FRMPD4: variants seen among roughly 807,000 people sequenced by gnomAD.
FRMPD4 encodes the protein FERM and PDZ domain-containing protein 4.
In FRMPD4, 22 loss-of-function variants were observed where a neutral mutation model predicts 94.1. That is an observed-to-expected ratio of 0.23 (90% CI 0.17 to 0.33). The LOEUF is 0.33. FRMPD4 is among the 10% of genes least tolerant of loss of function. The pLI is 1.00. For synonymous variants in FRMPD4, 631 were observed against 548.6 expected (o/e 1.15, Z -2.10); for missense variants, 1,111 against 1,339.9 (o/e 0.83, Z 2.67).
chrX:12,346,908 T>C (rs1301606552), intron 1 of FRMPD4, among the ~76,000 whole-genome samples: 1 of 112,424 alleles, frequency 8.9e-6, no homozygotes, highest in African/African-American at 3.2e-5. Flanking sequence ...TGGAATCTAT[T>C]ATCCACTCTT....
At chrX:12,187,714 T>C (rs2056440233) in intron 1 of FRMPD4, among the ~76,000 whole-genome samples, 1 of 111,873 alleles carries the variant, frequency 8.9e-6, no homozygotes, top group Non-Finnish European at 1.9e-5. Context: ...TTCTCATTTC[T>C]ATTTATATAT....
intron 3 of FRMPD4, among the ~76,000 whole-genome samples, chrX:12,083,157 C>T (rs1220907241): frequency 8.9e-6 from 1 of 112,538 alleles, no homozygotes; most frequent in Non-Finnish European, 1.9e-5. Context: ...GGCCTGGAGG[C>T]CCAGGAGGAA....
At chrX:12,049,134 C>T (rs1257933114) in intron 3 of FRMPD4, among the ~76,000 whole-genome samples, 1 of 111,237 alleles carries the variant, frequency 9.0e-6, no homozygotes, top group Non-Finnish European at 1.9e-5. Flanking sequence ...AATGTTTTTC[C>T]ACTTGTTTGT....
At position 12,691,255 on chromosome X, in the gene FRMPD4, G is replaced by GT. The variant is rs987837683; in HGVS notation, c.813+937dup. On this transcript the variant is annotated intron_variant, in intron 8 of 16. Transcript: ENST00000675598. Reference sequence around the variant, plus strand: ...TATTATTTCCATCAAGTTTTTTGGGGTTTTTTTTGTTGTTGTTGTTTTGTT... The same window carrying GT: ...TATTATTTCCATCAAGTTTTTTGGGGTTTTTTTTTGTTGTTGTTGTTTTGTT... 6.7e-3 allele frequency among the ~76,000 whole-genome samples: 740 copies of GT among 110,086 alleles called. 6 individuals are homozygous for GT. Among genetic ancestry groups the GT allele is most frequent in the Non-Finnish European group, 5.9e-3 (311 of 52,627 alleles).
At chrX:12,499,543 C>G (rs915452226) in intron 2 of FRMPD4, among the ~76,000 whole-genome samples, 2 of 112,145 alleles carry the variant, frequency 1.8e-5, no homozygotes, top group African/African-American at 6.5e-5. Flanking sequence ...CCCCTTACCC[C>G]CTGGTGACAT....
intron 2 of FRMPD4, among the ~76,000 whole-genome samples, chrX:12,536,148 G>A (rs776829164): frequency 1.7e-4 from 18 of 108,276 alleles, no homozygotes; most frequent in African/African-American, 6.0e-4. Context: ...TGAGCCAGTA[G>A]TATATTTAAA....
At chrX:12,396,363 A>T (rs1176243459) in intron 1 of FRMPD4, among the ~76,000 whole-genome samples, 1 of 112,229 alleles carries the variant, frequency 8.9e-6, no homozygotes, top group Non-Finnish European at 1.9e-5. Context: ...TCAAACCATA[A>T]ATACAATTTT....
At chrX:12,382,503 T>TAG (rs199593248) in intron 1 of FRMPD4, among the ~76,000 whole-genome samples, 15 of 70,930 alleles carry the variant, frequency 2.1e-4, no homozygotes, top group African/African-American at 4.5e-4. Context: ...TAGCATAGCA[T>TAG]AGCATAGCAT....
At chrX:12,287,767 C>G in intron 1 of FRMPD4, among the ~76,000 whole-genome samples, 1 of 111,766 alleles carries the variant, frequency 8.9e-6, no homozygotes, top group Non-Finnish European at 1.9e-5. Context: ...TGGATGAAGA[C>G]TCAAAGGTAA....
intron 3 of FRMPD4, among the ~76,000 whole-genome samples, chrX:11,952,744 G>A (rs5979498): frequency 0.058 from 6,460 of 111,744 alleles, 210 homozygotes; most frequent in East Asian, 0.18. Flanking sequence ...ACCTTCCTTG[G>A]CAATGGCTGC....
At chrX:12,025,674 T>C (rs1160760497) in intron 3 of FRMPD4, among the ~76,000 whole-genome samples, 6 of 112,188 alleles carry the variant, frequency 5.3e-5, no homozygotes, top group Admixed American at 4.7e-4. Context: ...AGGAACCCAT[T>C]TGTCATGTTC....
At chrX:11,847,764 C>T (rs2053587166) in intron 1 of FRMPD4, among the ~76,000 whole-genome samples, 1 of 106,736 alleles carries the variant, frequency 9.4e-6, no homozygotes, top group African/African-American at 3.5e-5. Context: ...TCATCATTCT[C>T]AGTAAACTAT....
chrX:12,523,256 T>C (rs2058184193), intron 2 of FRMPD4, among the ~76,000 whole-genome samples: 1 of 111,506 alleles, frequency 9.0e-6, no homozygotes, highest in Non-Finnish European at 1.9e-5. Flanking sequence ...CAAACTGAGG[T>C]TGTTAGAACT....
rs186131983 is a variant in FRMPD4, at chrX:12,316,726, A to C, written c.41+177714A>C. On this transcript the variant is annotated intron_variant, in intron 1 of 16. Coordinates refer to ENST00000675598, the MANE Select transcript of FRMPD4 (RefSeq NM_001368397.1). The stretch of plus-strand genomic sequence containing the variant: ...TGTGCTTTCTTTTAGCATTACAAAG[A>C]GTACCATTAAAAAAACAAAACAAAA... Among the ~76,000 whole-genome samples, 18 of 110,775 alleles carry C rather than the reference A, an allele frequency of 1.6e-4. No homozygotes were observed. In the South Asian group the frequency reaches 6.6e-3, roughly 41 times the overall value.
chrX:12,153,561 G>C (rs150592136), intron 1 of FRMPD4, among the ~76,000 whole-genome samples: 1 of 112,257 alleles, frequency 8.9e-6, no homozygotes, highest in East Asian at 2.8e-4. Flanking sequence ...TTCCGATGTG[G>C]TCATGTAAAC....
chrX:12,578,709 A>G (rs1006865374), intron 2 of FRMPD4, among the ~76,000 whole-genome samples: 2 of 112,041 alleles, frequency 1.8e-5, no homozygotes, highest in African/African-American at 3.2e-5. Flanking sequence ...TATGCTGCAT[A>G]TAAGTTTATA....
intron 3 of FRMPD4, among the ~76,000 whole-genome samples, chrX:12,117,383 C>T (rs34321165): frequency 0.12 from 13,283 of 110,170 alleles, 592 homozygotes; most frequent in South Asian, 0.3. Context: ...TTTAGTTGTG[C>T]CCATTAATCT....
At chrX:11,847,056 C>T (rs1439242249) in intron 1 of FRMPD4, among the ~76,000 whole-genome samples, 2 of 106,299 alleles carry the variant, frequency 1.9e-5, no homozygotes, top group Admixed American at 1.0e-4. Flanking sequence ...TAAAGAGCTT[C>T]TGCACAGCAA....
At chrX:12,539,217 CAAG>C (rs2058376403) in intron 2 of FRMPD4, among the ~76,000 whole-genome samples, 1 of 111,335 alleles carries the variant, frequency 9.0e-6, no homozygotes, top group Non-Finnish European at 1.9e-5. Flanking sequence ...TAAAATGAAG[CAAG>C]AAGAGAAGTT....
Sources: allele counts gnomAD v4.1 joint callset (sites outside exome capture counted in the v4.1 genomes callset), GRCh38; gene constraint gnomAD v4.1.1; transcripts MANE v1.5; gene names NCBI Gene and HGNC (gene_info 2026-07-23, HGNC 2026-07-21).